The following ESR2 variants were observed in gnomAD, a reference collection of about 807,000 sequenced individuals.
ESR2 encodes estrogen receptor 2, also known as estrogen receptor beta.
ESR2 carries 36 observed loss-of-function variants against 49.6 expected under a neutral mutation model. That is an observed-to-expected ratio of 0.73 (90% CI 0.56 to 0.96). The LOEUF is 0.96. Among genes scored for constraint, ESR2 ranks in the 40% least tolerant of loss-of-function variants. ESR2 has a pLI of 0.00. For missense variants in ESR2, 714 were observed against 693.0 expected, an observed-to-expected ratio of 1.03 and a Z score of -0.34; for synonymous variants, 320 against 266.1, an observed-to-expected ratio of 1.20 and a Z score of -1.97.
chr14:64,244,531 C>T (rs961448803), intron 7 of ESR2, among the ~76,000 whole-genome samples: 5 of 152,178 alleles, frequency 3.3e-5, no homozygotes, highest in Admixed American at 6.5e-5. Context: ...TTCTCTCTCT[C>T]GGAGCTGGAA....
chr14:64,316,512 A>G (rs1425100891), intron 1 of ESR2, among the ~76,000 whole-genome samples: 1 of 152,132 alleles, frequency 6.6e-6, no homozygotes, highest in Non-Finnish European at 1.5e-5. Context: ...AGACAATCCA[A>G]AAAAATATAA....
rs186693746 is a variant in ESR2, at chr14:64,256,047, T to C, written c.1091+1179A>G. On this transcript the variant is annotated intron_variant, in intron 6 of 8. Coordinates refer to ENST00000341099, the MANE Select transcript of ESR2 (RefSeq NM_001437.3). ...ATGATCTAAAGTGGTAACAGGATTA[T>C]AATGCAAGAGTTGGGGTAGACACTA... is the stretch of plus-strand genomic sequence containing the variant. 3.3e-5 allele frequency among the ~76,000 whole-genome samples: 5 copies of C among 152,354 alleles called. No homozygotes were observed. In the East Asian group the frequency reaches 9.6e-4, roughly 29 times the overall value.
chr14:64,251,371 C>G (rs909076241), intron 6 of ESR2, among the ~76,000 whole-genome samples: 5 of 150,676 alleles, frequency 3.3e-5, no homozygotes, highest in Non-Finnish European at 5.9e-5. Context: ...TCTCTTTATT[C>G]TTCTGTGCTG....
At chr14:64,246,734 C>CAAAAAAAAAAAAAAAAAAAAAAAAAAA (rs71123836) in intron 7 of ESR2, among the ~76,000 whole-genome samples, 2 of 36,452 alleles carry the variant, frequency 5.5e-5, no homozygotes, top group African/African-American at 1.3e-4. Flanking sequence ...AAGACTCTGT[C>CAAAAAAAAAAAAAAAAAAAAAAAAAAA]AAAAAAAAAA....
intron 1 of ESR2, among the ~76,000 whole-genome samples, chr14:64,305,479 G>GCTA (rs2077080795): frequency 6.7e-6 from 1 of 150,354 alleles, no homozygotes; most frequent in African/African-American, 2.4e-5. Context: ...GACCATCCTG[G>GCTA]CTAACACAGT....
At chr14:64,322,645 C>T (rs1244588495) in intron 1 of ESR2, among the ~76,000 whole-genome samples, 1 of 151,892 alleles carries the variant, frequency 6.6e-6, no homozygotes, top group East Asian at 1.9e-4. Context: ...AGAATGACAG[C>T]ATTCAATGCT....
intron 4 of ESR2, among the ~76,000 whole-genome samples, chr14:64,264,665 G>GT (rs1567757548): frequency 6.6e-6 from 1 of 152,034 alleles, no homozygotes; most frequent in Non-Finnish European, 1.5e-5. Context: ...GAGCCCAGGA[G>GT]TTGAAGACTA....
chr14:64,270,876 T>A (rs2076432369), intron 3 of ESR2, among the ~76,000 whole-genome samples: 1 of 152,234 alleles, frequency 6.6e-6, no homozygotes, highest in African/African-American at 2.4e-5. Flanking sequence ...CTCTTAGATC[T>A]ACATGAATCT....
intron 1 of ESR2, among the ~76,000 whole-genome samples, chr14:64,321,483 T>C (rs1384539674): frequency 3.3e-5 from 5 of 152,038 alleles, no homozygotes; most frequent in Non-Finnish European, 5.9e-5. Flanking sequence ...ATAAACAAAA[T>C]GATAGACATA....
chr14:64,318,662 G>T (rs2077289061), intron 1 of ESR2, among the ~76,000 whole-genome samples: 1 of 151,586 alleles, frequency 6.6e-6, no homozygotes, highest in South Asian at 2.1e-4. Context: ...CACCCCAGGA[G>T]GCCATGGTGG....
In ESR2 at chr14:64,260,697, G is replaced by A. The variant is rs867445523; in HGVS notation, c.704C>T (p.Ala235Val). 1 of 1,560,476 alleles carries A rather than the reference G, an allele frequency of 6.4e-7. No homozygotes were observed. The highest frequency in any genetic ancestry group is 8.7e-7 in the Non-Finnish European group (1 of 1,149,828). The change falls in exon 5 of 9, where the codon GCC (alanine) becomes GTC (valine). Residue 235 changes from alanine (A) to valine (V), a missense_variant. Ala to Val is a moderately conservative substitution (Grantham distance 64). Coordinates refer to ENST00000341099, the MANE Select transcript of ESR2 (RefSeq NM_001437.3). ...GYRLVRRQRS[A>V]DEQLHCAGKA... Reference sequence around the variant, plus strand: ...GCCGGCACAGTGCAGCTGCTCGTCGGCACTTCTCTGTCTCCGCACAAGGCG... The same window carrying A: ...GCCGGCACAGTGCAGCTGCTCGTCGACACTTCTCTGTCTCCGCACAAGGCG...
At chr14:64,265,826 TA>T (rs949694310) in intron 4 of ESR2, among the ~76,000 whole-genome samples, 1 of 152,004 alleles carries the variant, frequency 6.6e-6, no homozygotes, top group Non-Finnish European at 1.5e-5. Context: ...GGTTTCAAAA[TA>T]AAAGAAGCAG....
At chr14:64,322,201 G>C (rs570929838) in intron 1 of ESR2, among the ~76,000 whole-genome samples, 1 of 152,080 alleles carries the variant, frequency 6.6e-6, no homozygotes, top group Non-Finnish European at 1.5e-5. Context: ...TGGGATTACA[G>C]GTACCCACCA....
intron 6 of ESR2, among the ~76,000 whole-genome samples, chr14:64,250,861 C>T (rs2075971941): frequency 6.6e-6 from 1 of 152,210 alleles, no homozygotes; most frequent in African/African-American, 2.4e-5. Flanking sequence ...GAAGCACTCA[C>T]ACTCTCCCAC....
intron 7 of ESR2, among the ~76,000 whole-genome samples, chr14:64,238,375 C>G (rs1290098151): frequency 6.6e-6 from 1 of 152,112 alleles, no homozygotes; most frequent in African/African-American, 2.4e-5. Flanking sequence ...AGTGTATATA[C>G]AAAAAGACTG....
chr14:64,227,586 A>G, downstream of ESR2: 1 of 1,614,180 alleles, frequency 6.2e-7, no homozygotes, highest in Non-Finnish European at 8.5e-7. Context: ...ATTCCAAATG[A>G]GGTGAGTGTT....
intron 3 of ESR2, among the ~76,000 whole-genome samples, chr14:64,272,336 CTG>C: frequency 6.6e-6 from 1 of 152,274 alleles, no homozygotes; most frequent in African/African-American, 2.4e-5. Flanking sequence ...TTCTCCCATT[CTG>C]TGTGTTGTCT....
intron 1 of ESR2, among the ~76,000 whole-genome samples, chr14:64,300,226 C>T (rs1207959364): frequency 2.6e-5 from 4 of 152,200 alleles, no homozygotes; most frequent in Admixed American, 6.5e-5. Context: ...CTCATAGGAA[C>T]ACAGGTCATC....
chr14:64,314,737 G>T (rs1039570356), intron 1 of ESR2, among the ~76,000 whole-genome samples: 4 of 151,056 alleles, frequency 2.6e-5, no homozygotes, highest in African/African-American at 9.7e-5. Context: ...AATTAGCTGG[G>T]CCTGGTGGTG....
Sources: gnomAD v4.1 joint callset for allele counts (sites outside exome capture counted in the v4.1 genomes callset) on GRCh38, gnomAD v4.1.1 for gene constraint, MANE v1.5 for transcripts, NCBI Gene and HGNC (gene_info 2026-07-23, HGNC 2026-07-21) for gene names.